Variants in GNG7 observed in about 807,000 individuals in gnomAD.
GNG7 encodes guanine nucleotide-binding protein G(I)/G(S)/G(O) subunit gamma-7.
GNG7 carries 1 observed loss-of-function variant against 4.0 expected under a neutral mutation model. The ratio of observed to expected loss-of-function variants is 0.25; its 90% CI spans 0.09 to 1.18. The LOEUF (loss-of-function observed/expected upper bound fraction) is 1.18. Ranked by LOEUF, GNG7 falls within the 50% of genes most tolerant of loss-of-function variation. The pLI, the probability that GNG7 is intolerant of heterozygous loss-of-function variation, is 0.50. For synonymous variants in GNG7, 34 were observed against 36.9 expected, an observed-to-expected ratio of 0.92 and a Z score of 0.29; for missense variants, 86 against 91.9, an observed-to-expected ratio of 0.94 and a Z score of 0.26.
At chr19:2,625,086 T>C (rs1258407011) in intron 2 of GNG7, among the ~76,000 whole-genome samples, 4 of 152,188 alleles carry the variant, frequency 2.6e-5, no homozygotes, top group Non-Finnish European at 5.9e-5. Context: ...TTCCTTTCTT[T>C]TGAGACAAGA....
At chr19:2,551,218 A>G (rs1398586278) in intron 3 of GNG7, among the ~76,000 whole-genome samples, 1 of 152,204 alleles carries the variant, frequency 6.6e-6, no homozygotes, top group Non-Finnish European at 1.5e-5. Flanking sequence ...TTTGACCTCC[A>G]GCAAAGGAGG....
chr19:2,650,984 G>A (rs1201588717), intron 1 of GNG7, among the ~76,000 whole-genome samples: 1 of 152,120 alleles, frequency 6.6e-6, no homozygotes, highest in Non-Finnish European at 1.5e-5. Flanking sequence ...CCCAGCTCAG[G>A]GCCCTGGGCA....
chr19:2,604,706 G>C (rs571321726), intron 2 of GNG7, among the ~76,000 whole-genome samples: 222 of 146,636 alleles, frequency 1.5e-3, no homozygotes, highest in African/African-American at 5.2e-3. Flanking sequence ...GGGAGGGAGG[G>C]AAAAGAGAAA....
At chr19:2,668,329 A>G (rs1983363639) in intron 1 of GNG7, among the ~76,000 whole-genome samples, 1 of 152,212 alleles carries the variant, frequency 6.6e-6, no homozygotes, top group African/African-American at 2.4e-5. Flanking sequence ...ATGTGCCAGC[A>G]TCTAATAATG....
chr19:2,577,317 C>T (rs1344203193), intron 2 of GNG7, among the ~76,000 whole-genome samples: 1 of 152,156 alleles, frequency 6.6e-6, no homozygotes, highest in Non-Finnish European at 1.5e-5. Context: ...GGGGAAGGCT[C>T]TTCATCCAGC....
chr19:2,609,032 CT>C lies in GNG7; in HGVS notation c.-78+37191del, dbSNP rs1014496220. 8.8e-6 allele frequency among the ~76,000 whole-genome samples: 1 copy of C among 113,572 alleles called. No individual in the cohort carries two copies. The highest frequency in any genetic ancestry group is 3.2e-5 in the African/African-American group (1 of 30,916). 74.5% of individuals were successfully genotyped at this position (113,572 alleles called of 152,430 possible). ...ACATTCTCTCTCTCTCTCTCTCTCT[CT>C]TTTTTTGTTTTGAGACAGGGTCTCA... On this transcript the variant is annotated intron_variant, in intron 2 of 4. Coordinates refer to ENST00000382159, the MANE Select transcript of GNG7 (RefSeq NM_052847.3). The surrounding 1 kb of genome is among the most constrained non-coding windows in gnomAD (Gnocchi z 4.4).
At chr19:2,594,615 G>A (rs985448203) in intron 2 of GNG7, among the ~76,000 whole-genome samples, 11 of 151,960 alleles carry the variant, frequency 7.2e-5, no homozygotes, top group African/African-American at 2.4e-4. Flanking sequence ...AGCTTTGCAC[G>A]GGTATTTCAC....
intron 2 of GNG7, among the ~76,000 whole-genome samples, chr19:2,621,821 G>T (rs532872255): frequency 1.3e-5 from 2 of 152,166 alleles, no homozygotes. Flanking sequence ...GCCCCCAGAA[G>T]CCAGAGGACG....
chr19:2,674,783 A>C (rs922879575), intron 1 of GNG7, among the ~76,000 whole-genome samples: 1 of 152,204 alleles, frequency 6.6e-6, no homozygotes, highest in Admixed American at 6.5e-5. Context: ...TGAGATGCAA[A>C]GTCAGGGAGT....
At chr19:2,624,207 A>G (rs1300104149) in intron 2 of GNG7, among the ~76,000 whole-genome samples, 1 of 151,946 alleles carries the variant, frequency 6.6e-6, no homozygotes, top group African/African-American at 2.4e-5. Context: ...GGTAAATACT[A>G]TGTTTCATAT....
At chr19:2,519,366 G>A (rs2144726822) in intron 4 of GNG7, among the ~76,000 whole-genome samples, 1 of 151,620 alleles carries the variant, frequency 6.6e-6, no homozygotes, top group East Asian at 1.9e-4. Flanking sequence ...ATGTTGGCCA[G>A]GCTGGTCTCG....
intron 3 of GNG7, among the ~76,000 whole-genome samples, chr19:2,529,513 C>T (rs546294450): frequency 9.8e-5 from 15 of 152,304 alleles, no homozygotes; most frequent in South Asian, 2.1e-4. Flanking sequence ...CCACCACGCC[C>T]GGCCCATTTT....
chr19:2,624,067 C>G (rs1981949551), intron 2 of GNG7, among the ~76,000 whole-genome samples: 1 of 151,754 alleles, frequency 6.6e-6, no homozygotes, highest in Non-Finnish European at 1.5e-5. Context: ...GGACGGGGAG[C>G]AAGTGTTTCA....
chr19:2,645,677 C>T (rs368142103), intron 2 of GNG7, among the ~76,000 whole-genome samples: 76 of 152,314 alleles, frequency 5.0e-4, no homozygotes, highest in African/African-American at 1.8e-3. Flanking sequence ...TCCCCAGCCT[C>T]CAATCACCAC....
In GNG7 at chr19:2,551,178, G is replaced by A. The variant is rs116283463; in HGVS notation, c.-38+3971C>T. 8.6e-3 allele frequency among the ~76,000 whole-genome samples: 1,305 copies of A among 152,334 alleles called. 25 individuals are homozygous for A. Among genetic ancestry groups the A allele is most frequent in the African/African-American group, 0.03 (1,256 of 41,572 alleles). On this transcript the variant is annotated intron_variant, in intron 3 of 4. Coordinates refer to ENST00000382159, the MANE Select transcript of GNG7 (RefSeq NM_052847.3). ...TGTGTGTCCCAGAGGACGGGGCTCA[G>A]GGCAGGCTCCAGGGACCTCACCCTG...
intron 2 of GNG7, among the ~76,000 whole-genome samples, chr19:2,566,997 C>T (rs1979930933): frequency 6.6e-6 from 1 of 151,790 alleles, no homozygotes; most frequent in African/African-American, 2.4e-5. Context: ...CCCAGCTACT[C>T]GAGAGGCTGA....
intron 3 of GNG7, among the ~76,000 whole-genome samples, chr19:2,541,704 T>C (rs1375795209): frequency 1.3e-5 from 2 of 150,040 alleles, no homozygotes; most frequent in Admixed American, 6.7e-5. Flanking sequence ...ATCACGCCAC[T>C]GCACTCTAGC....
intron 2 of GNG7, chr19:2,642,508 G>A: frequency 2.9e-6 from 1 of 348,360 alleles, no homozygotes; most frequent in Non-Finnish European, 5.6e-6. Context: ...TGGGATTTCA[G>A]GTGTGCACCA....
At chr19:2,560,403 T>C (rs549787899) in intron 2 of GNG7, among the ~76,000 whole-genome samples, 1 of 152,042 alleles carries the variant, frequency 6.6e-6, no homozygotes, top group Non-Finnish European at 1.5e-5. Flanking sequence ...CGACCTGCTT[T>C]AGGGGGCCCA....
Sources: gnomAD v4.1 joint callset for allele counts (sites outside exome capture counted in the v4.1 genomes callset) on GRCh38, gnomAD v4.1.1 for gene constraint, Gnocchi (gnomAD v3.1) non-coding constraint, MANE v1.5 for transcripts, NCBI Gene and HGNC (gene_info 2026-07-23, HGNC 2026-07-21) for gene names.